SLC24A2: variants seen among roughly 807,000 people sequenced by gnomAD.
SLC24A2 encodes solute carrier family 24 member 2.
In SLC24A2, 36 loss-of-function variants were observed where a neutral mutation model predicts 62.0. That is an observed-to-expected ratio of 0.58 (90% CI 0.44 to 0.77). The LOEUF (loss-of-function observed/expected upper bound fraction) is 0.77, where lower values mean the gene tolerates loss of function less well. Among genes scored for constraint, SLC24A2 ranks in the 30% least tolerant of loss-of-function variants. SLC24A2 has a pLI of 0.00. For missense variants in SLC24A2, 846 were observed against 817.9 expected (o/e 1.03, Z -0.42); for synonymous variants, 358 against 294.0 (o/e 1.22, Z -2.23).
rs1441216462 is a variant in SLC24A2 at position 19,508,276 on chromosome 9, C to T, written c.*7877G>A. ...TCCCTCTTCCGAATAGAGTCTCAGC[C>T]CTTTAGAGAAACTCTTCAGACCACA... On this transcript the variant is annotated 3_prime_UTR_variant, in exon 11 of 11. Coordinates refer to ENST00000341998, the MANE Select transcript of SLC24A2 (RefSeq NM_020344.4). The T allele has an allele frequency of 1.3e-5, 2 of 152,134 alleles. No homozygotes were observed. Among genetic ancestry groups the T allele is most frequent in the Non-Finnish European group, 2.9e-5 (2 of 68,040 alleles). 9.4% of individuals were successfully genotyped at this position (152,134 alleles called of 1,614,324 possible).
At chr9:19,964,197 C>T in the SLC24A2 span, among the ~76,000 whole-genome samples, 1 of 121,096 alleles carries the variant, frequency 8.3e-6, no homozygotes, top group Non-Finnish European at 1.6e-5. Context: ...GGAAGGGGAA[C>T]ATCACACTCT....
chr9:19,820,058 CATATATATATAT>C, the SLC24A2 span, among the ~76,000 whole-genome samples: 2 of 34,644 alleles, frequency 5.8e-5, no homozygotes, highest in African/African-American at 1.4e-4. Context: ...TATATATACA[CATATATATATAT>C]ATATATATAT....
At chr9:20,294,945 G>A in the SLC24A2 span, among the ~76,000 whole-genome samples, 5 of 151,428 alleles carry the variant, frequency 3.3e-5, no homozygotes, top group African/African-American at 9.7e-5. Context: ...CATTTACTAA[G>A]CACACCCATT....
chr9:19,853,520 G>A, the SLC24A2 span, among the ~76,000 whole-genome samples: 1 of 152,154 alleles, frequency 6.6e-6, no homozygotes, highest in Non-Finnish European at 1.5e-5. Context: ...AACATGAAGG[G>A]ATGTTGAATT....
the SLC24A2 span, among the ~76,000 whole-genome samples, chr9:20,261,146 C>T: frequency 6.6e-6 from 1 of 152,142 alleles, no homozygotes; most frequent in African/African-American, 2.4e-5. Context: ...GCACGAGCCA[C>T]TGCACCCGGC....
the SLC24A2 span, among the ~76,000 whole-genome samples, chr9:20,217,537 G>T: frequency 4.6e-5 from 7 of 152,096 alleles, no homozygotes; most frequent in African/African-American, 1.4e-4. Flanking sequence ...GCTGGTGCTG[G>T]GAGCAGGTTA....
intron 7 of SLC24A2, among the ~76,000 whole-genome samples, chr9:19,562,894 C>T (rs992357266): frequency 6.6e-6 from 1 of 152,068 alleles, no homozygotes; most frequent in Non-Finnish European, 1.5e-5. Context: ...CGCTTGAGGC[C>T]AGGAGTTTGA....
chr9:19,981,583 G>A, the SLC24A2 span, among the ~76,000 whole-genome samples: 1 of 152,060 alleles, frequency 6.6e-6, no homozygotes. Flanking sequence ...ATACAATAAA[G>A]CTGCATAACA....
chr9:20,013,136 C>T, the SLC24A2 span, among the ~76,000 whole-genome samples: 1 of 152,118 alleles, frequency 6.6e-6, no homozygotes, highest in Non-Finnish European at 1.5e-5. Flanking sequence ...AGGCATTACA[C>T]TCTCAGATTT....
the SLC24A2 span, among the ~76,000 whole-genome samples, chr9:19,972,121 C>G: frequency 6.6e-6 from 1 of 151,904 alleles, no homozygotes; most frequent in Non-Finnish European, 1.5e-5. Flanking sequence ...GGTCCTAGTA[C>G]TATGTTTCTG....
At chr9:20,225,069 T>A in the SLC24A2 span, among the ~76,000 whole-genome samples, 1 of 152,160 alleles carries the variant, frequency 6.6e-6, no homozygotes, top group African/African-American at 2.4e-5. Flanking sequence ...TCCTCTATTC[T>A]GTCCTGCTCC....
chr9:20,263,519 A>G, the SLC24A2 span, among the ~76,000 whole-genome samples: 1 of 152,134 alleles, frequency 6.6e-6, no homozygotes, highest in South Asian at 2.1e-4. Context: ...AAAAGCGTTA[A>G]GATTACAGGC....
the SLC24A2 span, among the ~76,000 whole-genome samples, chr9:20,169,176 A>C: frequency 1.3e-5 from 2 of 152,038 alleles, no homozygotes; most frequent in African/African-American, 4.8e-5. Flanking sequence ...AAGTAGAATT[A>C]GAGATAATCA....
chr9:19,657,030 C>T (rs1485411315), intron 2 of SLC24A2, among the ~76,000 whole-genome samples: 1 of 152,202 alleles, frequency 6.6e-6, no homozygotes, highest in Non-Finnish European at 1.5e-5. Flanking sequence ...CTTCCCTCTG[C>T]AGTGGCTGAA....
At chr9:20,165,938 A>G in the SLC24A2 span, among the ~76,000 whole-genome samples, 1 of 151,940 alleles carries the variant, frequency 6.6e-6, no homozygotes, top group Non-Finnish European at 1.5e-5. Flanking sequence ...TAAATTGGGC[A>G]AGGGGGATGG....
intron 2 of SLC24A2, among the ~76,000 whole-genome samples, chr9:19,746,026 C>G (rs1821821167): frequency 6.6e-6 from 1 of 151,726 alleles, no homozygotes; most frequent in South Asian, 2.1e-4. Flanking sequence ...ACAGAAAAGA[C>G]TACAGAAGAA....
the SLC24A2 span, among the ~76,000 whole-genome samples, chr9:20,098,539 G>A: frequency 6.6e-6 from 1 of 152,160 alleles, no homozygotes; most frequent in Non-Finnish European, 1.5e-5. Context: ...GAGGAAACTG[G>A]CCTTATGCTC....
chr9:19,509,302 T>C lies in SLC24A2; in HGVS notation c.*6851A>G, dbSNP rs1187409244. 1 of 152,212 alleles carries C rather than the reference T, an allele frequency of 6.6e-6. No individual in the cohort carries two copies. The highest frequency in any genetic ancestry group is 1.5e-5 in the Non-Finnish European group (1 of 68,022). The allele number at this position is 152,212 out of a possible 1,614,324, so 9.4% of individuals were successfully genotyped here. A position where few individuals can be genotyped will look rare whatever the true frequency, so the allele number is the denominator to read the frequency against. ...TTGTGAAATGAATAATTTCTTTGAT[T>C]TTCAAACAGTTTTATTAAAGCACAC... On this transcript the variant is annotated 3_prime_UTR_variant, in exon 11 of 11. Coordinates refer to ENST00000341998, the MANE Select transcript of SLC24A2 (RefSeq NM_020344.4).
At chr9:20,231,441 G>C in the SLC24A2 span, among the ~76,000 whole-genome samples, 13 of 152,086 alleles carry the variant, frequency 8.5e-5, no homozygotes, top group Admixed American at 6.5e-5. Context: ...CCTTGAAGAG[G>C]TCCTTCACAT....
Sources: gnomAD v4.1 joint callset for allele counts (sites outside exome capture counted in the v4.1 genomes callset) on GRCh38, gnomAD v4.1.1 for gene constraint, MANE v1.5 for transcripts, NCBI Gene and HGNC (gene_info 2026-07-23, HGNC 2026-07-21) for gene names.